DUSP15: variants seen among roughly 807,000 people sequenced by gnomAD.
DUSP15 encodes the protein dual specificity phosphatase 15.
DUSP15 carries 23 observed loss-of-function variants against 26.3 expected under a neutral mutation model. That is an observed-to-expected ratio of 0.87 (90% CI 0.63 to 1.24). The LOEUF is 1.24. Ranked by LOEUF, DUSP15 falls within the 50% of genes most tolerant of loss-of-function variation. DUSP15 has a pLI of 0.00. For synonymous variants in DUSP15, 143 were observed against 135.5 expected (o/e 1.06, Z -0.39); for missense variants, 364 against 320.6 (o/e 1.14, Z -1.03).
chr20:31,861,587 C>A lies in DUSP15; in HGVS notation c.524G>T (p.Cys175Phe). The A allele has an allele frequency of 2.7e-6, 4 of 1,496,584 alleles. No individual in the cohort carries two copies. The highest frequency in any genetic ancestry group is 3.5e-6 in the Non-Finnish European group (4 of 1,131,360). 92.7% of individuals were successfully genotyped at this position (1,496,584 alleles called of 1,614,324 possible). ...LRALLPLCKR[C>F]RQGSATSASS... ...GGCCGAGGTCGCGGAGCCCTGCCGGCAGCGCTTGCACAGCGGCAGCAGCGC... is the reference window on the plus strand; with the variant it reads ...GGCCGAGGTCGCGGAGCCCTGCCGGAAGCGCTTGCACAGCGGCAGCAGCGC... Residue 175 changes from cysteine (C) to phenylalanine (F), a missense_variant, in exon 7 of 7, where the codon TGC (cysteine) becomes TTC (phenylalanine). Physicochemically the swap from Cys to Phe is radical, Grantham distance 205. Coordinates refer to ENST00000339738, the MANE Select transcript of DUSP15 (RefSeq NM_080611.5).
downstream of DUSP15, among the ~76,000 whole-genome samples, chr20:31,860,427 C>T (rs1020037835): frequency 3.3e-5 from 5 of 152,226 alleles, no homozygotes; most frequent in Admixed American, 3.3e-4. Context: ...AGCCAGCTAC[C>T]GCTTTGATGG....
chr20:31,851,977 C>T (rs1279739768), intron 6 of DUSP15, among the ~76,000 whole-genome samples: 3 of 151,222 alleles, frequency 2.0e-5, no homozygotes, highest in African/African-American at 2.4e-5. Flanking sequence ...CCACCTGTTT[C>T]TTGGCCTCAG....
chr20:31,869,808 A>G lies in DUSP15; in HGVS notation c.22-211T>C, dbSNP rs2062879170. 5.6e-6 allele frequency: 8 copies of G among 1,431,420 alleles called. 1 individual carries two copies. The South Asian group carries it at 1.0e-4, about 19-fold the overall frequency. 88.7% of individuals were successfully genotyped at this position (1,431,420 alleles called of 1,614,324 possible). On this transcript the variant is annotated intron_variant, in intron 1 of 6. Coordinates refer to ENST00000339738, the MANE Select transcript of DUSP15 (RefSeq NM_080611.5). Reference sequence around the variant, plus strand: ...GGTAGGCTAGGGGGCCAGTTAACCAACCGAGGGAACCAAGGGAGGCCAGCT... The same window carrying G: ...GGTAGGCTAGGGGGCCAGTTAACCAGCCGAGGGAACCAAGGGAGGCCAGCT...
chr20:31,861,660 C>T lies in DUSP15; in HGVS notation c.451G>A (p.Glu151Lys). 6.8e-7 allele frequency: 1 copy of T among 1,481,104 alleles called. No individual in the cohort carries two copies. The highest frequency in any genetic ancestry group is 2.9e-5 in the East Asian group (1 of 34,578). The allele number at this position is 1,481,104 out of a possible 1,614,324, so 91.7% of individuals were successfully genotyped here. Residue 151 changes from glutamate (E) to lysine (K), a missense_variant, in exon 7 of 7, where the codon GAG becomes AAG. Coordinates refer to ENST00000339738, the MANE Select transcript of DUSP15 (RefSeq NM_080611.5). Reference sequence around the variant, plus strand: ...AAGGGGCTCTCGCCGAAGCGCTCCTCCAGCTGCCGGCGAAGCTGGGGTGGG... The same window carrying T: ...AAGGGGCTCTCGCCGAAGCGCTCCTTCAGCTGCCGGCGAAGCTGGGGTGGG... ...ASSQKLRRQL[E>K]ERFGESPFRD...
At chr20:31,851,939 C>T (rs1268437504) in intron 6 of DUSP15, among the ~76,000 whole-genome samples, 2 of 152,130 alleles carry the variant, frequency 1.3e-5, no homozygotes, top group Non-Finnish European at 2.9e-5. Flanking sequence ...ATGAGTACCC[C>T]AGCTCATTGT....
chr20:31,870,558 G>A (rs1198803608), upstream of DUSP15: 3 of 1,458,796 alleles, frequency 2.1e-6, no homozygotes, highest in South Asian at 1.4e-5. The surrounding 1 kb of genome is among the most constrained non-coding windows in gnomAD (Gnocchi z 6.6). Flanking sequence ...CACCGCCGCC[G>A]CCGCAGGCTC....
intron 7 of DUSP15, among the ~76,000 whole-genome samples, chr20:31,850,110 A>T (rs931946864): frequency 6.6e-6 from 1 of 152,252 alleles, no homozygotes; most frequent in African/African-American, 2.4e-5. Flanking sequence ...AGCTGGGGCC[A>T]TCTGTACAGT....
intron 6 of DUSP15, among the ~76,000 whole-genome samples, chr20:31,853,397 T>C (rs1411681508): frequency 1.3e-5 from 2 of 152,014 alleles, no homozygotes; most frequent in African/African-American, 4.8e-5. Flanking sequence ...CAGATGATTT[T>C]AAAAACCACA....
chr20:31,869,042 T>C (rs1480089794), intron 2 of DUSP15, among the ~76,000 whole-genome samples: 1 of 152,150 alleles, frequency 6.6e-6, no homozygotes, highest in African/African-American at 2.4e-5. Context: ...CTCATGACCC[T>C]GCTCACAAGA....
intron 2 of DUSP15, 82 bp downstream of exon 2, chr20:31,869,482 C>A: frequency 6.5e-7 from 1 of 1,539,730 alleles, no homozygotes; most frequent in Non-Finnish European, 8.9e-7. Flanking sequence ...TCCTGAGATG[C>A]ATGGGCCAGG....
At chr20:31,848,537 G>A (rs1301409817) in exon 10 of DUSP15, 1 of 1,588,478 alleles carries the variant, frequency 6.3e-7, no homozygotes, top group Admixed American at 1.8e-5. Flanking sequence ...AGTGCAGGAC[G>A]AGCTCCCAGG....
At chr20:31,861,752 CT>C in intron 6 of DUSP15, 77 bp from the exon 7 acceptor site, 1 of 1,205,404 alleles carries the variant, frequency 8.3e-7, no homozygotes, top group Non-Finnish European at 1.1e-6. Context: ...CGCCCCCACC[CT>C]CCCGACCTTC....
chr20:31,865,044 A>G, intron 3 of DUSP15, 42 bp from the exon 4 acceptor site: 1 of 1,607,874 alleles, frequency 6.2e-7, no homozygotes, highest in East Asian at 2.2e-5. Flanking sequence ...CCTTGCCTGC[A>G]ACCCTCCCTG....
chr20:31,869,684 C>T, intron 1 of DUSP15, 87 bp from the exon 2 acceptor site: 1 of 1,562,590 alleles, frequency 6.4e-7, no homozygotes, highest in Non-Finnish European at 8.7e-7. Context: ...CAGCCCCTCT[C>T]TGTCCCATGA....
intron 2 of DUSP15, among the ~76,000 whole-genome samples, chr20:31,868,968 C>A (rs2062840479): frequency 6.6e-6 from 1 of 152,194 alleles, no homozygotes; most frequent in Non-Finnish European, 1.5e-5. Flanking sequence ...GCTCACCGCC[C>A]CCCCAACTTC....
upstream of DUSP15, chr20:31,870,578 C>G (rs768192294): frequency 5.4e-5 from 78 of 1,451,938 alleles, no homozygotes; most frequent in Non-Finnish European, 6.9e-5. This position sits in a 1 kb window ranked among gnomAD's most constrained non-coding sequence, Gnocchi z 6.6. Context: ...CCTCCTACCC[C>G]TTCGGTCATG....
At chr20:31,869,022 A>G (rs1022552042) in intron 2 of DUSP15, among the ~76,000 whole-genome samples, 2 of 152,088 alleles carry the variant, frequency 1.3e-5, no homozygotes, top group African/African-American at 4.8e-5. Context: ...GGGGTGCGAC[A>G]GTGTTGGTGC....
chr20:31,853,175 G>A (rs1247367613), intron 6 of DUSP15, among the ~76,000 whole-genome samples: 1 of 151,694 alleles, frequency 6.6e-6, no homozygotes, highest in Non-Finnish European at 1.5e-5. Context: ...GATTGAATGA[G>A]GAATAAGATA....
In DUSP15 at chr20:31,861,112, C is replaced by CTTT; in HGVS notation, c.*290_*291insAAA. 1 of 1,296,864 alleles carries CTTT rather than the reference C, an allele frequency of 7.7e-7. No individual in the cohort carries two copies. Among genetic ancestry groups the CTTT allele is most frequent in the Non-Finnish European group, 9.7e-7 (1 of 1,026,534 alleles). The allele number at this position is 1,296,864 out of a possible 1,614,324, so 80.3% of individuals were successfully genotyped here. A position where few individuals can be genotyped will look rare whatever the true frequency, so the allele number is the denominator to read the frequency against. ...TCTCTTTAATACCCTCCAGGCCCGT[C>CTTT]AAACCCTCCACTCTCCCTCCCTCCC... is the stretch of plus-strand genomic sequence containing the variant. On this transcript the variant is annotated 3_prime_UTR_variant, in exon 7 of 7. Transcript: ENST00000339738.
Sources: allele counts gnomAD v4.1 joint callset (sites outside exome capture counted in the v4.1 genomes callset), GRCh38; gene constraint gnomAD v4.1.1; non-coding constraint Gnocchi (gnomAD v3.1); transcripts MANE v1.5; gene names NCBI Gene and HGNC (gene_info 2026-07-23, HGNC 2026-07-21).